ANK3: variants seen among roughly 807,000 people sequenced by gnomAD.
ANK3 encodes the protein ankyrin-3.
In ANK3, 57 loss-of-function variants were observed where a neutral mutation model predicts 370.9. That is an observed-to-expected ratio of 0.15 (90% CI 0.12 to 0.19). The LOEUF (loss-of-function observed/expected upper bound fraction) is 0.19. Ranked by LOEUF, ANK3 falls within the 10% of genes least tolerant of loss-of-function variation. The probability of loss-of-function intolerance (pLI) is 1.00; values close to 1 mark genes in which losing one functional copy is unlikely to be tolerated. For missense variants in ANK3, 4,439 were observed against 5,302.1 expected (o/e 0.84, Z 5.06); for synonymous variants, 1,929 against 1,946.3 (o/e 0.99, Z 0.23).
chr10:60,403,518 A>C (rs1343626511), intron 2 of ANK3, among the ~76,000 whole-genome samples: 1 of 152,266 alleles, frequency 6.6e-6, no homozygotes, highest in Non-Finnish European at 1.5e-5. Flanking sequence ...TCATTTACAC[A>C]TAATGGTGAA....
At chr10:60,294,774 C>A (rs2042158451) in intron 1 of ANK3, among the ~76,000 whole-genome samples, 1 of 152,110 alleles carries the variant, frequency 6.6e-6, no homozygotes, top group African/African-American at 2.4e-5. Context: ...CTGTAAGTGA[C>A]ATTTATATTT....
intron 2 of ANK3, among the ~76,000 whole-genome samples, chr10:60,606,477 A>G (rs2078130241): frequency 6.6e-6 from 1 of 152,188 alleles, no homozygotes; most frequent in African/African-American, 2.4e-5. Flanking sequence ...GTATATAAAA[A>G]GCACTTATAT....
chr10:60,085,646 G>A (rs376592711), intron 30 of ANK3, among the ~76,000 whole-genome samples: 4 of 125,256 alleles, frequency 3.2e-5, no homozygotes, highest in Non-Finnish European at 3.1e-5. Context: ...ACGGAGTCTC[G>A]CTCTTGTTGC....
intron 2 of ANK3, among the ~76,000 whole-genome samples, chr10:60,583,386 G>T (rs1462161860): frequency 2.6e-5 from 4 of 152,112 alleles, no homozygotes; most frequent in Admixed American, 1.3e-4. Context: ...GTGAGACATT[G>T]ATCGACGGTA....
At chr10:60,092,705 T>C (rs2088886519) in intron 28 of ANK3, among the ~76,000 whole-genome samples, 1 of 152,202 alleles carries the variant, frequency 6.6e-6, no homozygotes, top group South Asian at 2.1e-4. Flanking sequence ...AATCCTAGTG[T>C]AGGAAAAGAA....
chr10:60,289,904 C>A (rs1277944663), intron 1 of ANK3, among the ~76,000 whole-genome samples: 1 of 152,164 alleles, frequency 6.6e-6, no homozygotes, highest in African/African-American at 2.4e-5. Flanking sequence ...GCCCATTCTT[C>A]TGTGTTTAAG....
At chr10:60,599,097 T>A (rs1426455102) in intron 2 of ANK3, among the ~76,000 whole-genome samples, 3 of 151,814 alleles carry the variant, frequency 2.0e-5, no homozygotes, top group Non-Finnish European at 4.4e-5. Flanking sequence ...ACTGGCTAAT[T>A]TTTTTTTATT....
intron 4 of ANK3, among the ~76,000 whole-genome samples, chr10:60,273,252 C>T (rs1228510531): frequency 1.3e-5 from 2 of 152,158 alleles, no homozygotes; most frequent in Admixed American, 1.3e-4. Flanking sequence ...TTTTTGAGTG[C>T]TTGCCATCCT....
intron 1 of ANK3, among the ~76,000 whole-genome samples, chr10:60,632,614 T>C (rs1007651477): frequency 6.6e-6 from 1 of 152,008 alleles, no homozygotes; most frequent in Non-Finnish European, 1.5e-5. Flanking sequence ...TAGCTGGGCA[T>C]GGTGGTTCAT....
chr10:60,240,541 T>C (rs1453434373), intron 7 of ANK3, among the ~76,000 whole-genome samples: 1 of 151,736 alleles, frequency 6.6e-6, no homozygotes, highest in African/African-American at 2.4e-5. Flanking sequence ...CAACCTCAGG[T>C]GATCCACCTG....
At chr10:60,097,890 G>T (rs1016340748) in intron 28 of ANK3, among the ~76,000 whole-genome samples, 3 of 152,134 alleles carry the variant, frequency 2.0e-5, no homozygotes, top group Admixed American at 1.3e-4. Context: ...TTTCTAGTCA[G>T]GTGCAGGCTT....
intron 1 of ANK3, among the ~76,000 whole-genome samples, chr10:60,282,669 A>G (rs2098181783): frequency 6.6e-6 from 1 of 152,108 alleles, no homozygotes; most frequent in African/African-American, 2.4e-5. Context: ...ATTTCATTCA[A>G]TGACCCTGAT....
intron 1 of ANK3, among the ~76,000 whole-genome samples, chr10:60,674,261 G>C (rs914062323): frequency 6.6e-6 from 1 of 151,948 alleles, no homozygotes; most frequent in Non-Finnish European, 1.5e-5. Flanking sequence ...TTGCATAAAG[G>C]AATACCTGAG....
intron 23 of ANK3, among the ~76,000 whole-genome samples, chr10:60,157,130 C>T (rs1214155695): frequency 1.3e-5 from 2 of 149,810 alleles, no homozygotes; most frequent in African/African-American, 4.9e-5. Context: ...CTCCGCCTCC[C>T]AGGTTCAAGC....
intron 1 of ANK3, among the ~76,000 whole-genome samples, chr10:60,697,525 A>C (rs924588638): frequency 6.7e-6 from 1 of 150,174 alleles, no homozygotes; most frequent in Non-Finnish European, 1.5e-5. Flanking sequence ...TACAGTAACC[A>C]AAACAGCATG....
rs796446274 is a variant in ANK3, at chr10:60,056,180, T to G, written c.12687-144A>C. Reference sequence around the variant, plus strand: ...GTGTGAAAAGTGTGGCCACTGGATTTAAAATGTAGCTGGGCGCAGTGGCTC... The same window carrying G: ...GTGTGAAAAGTGTGGCCACTGGATTGAAAATGTAGCTGGGCGCAGTGGCTC... On this transcript the variant is annotated intron_variant, in intron 41 of 43. Transcript: ENST00000280772. 4.9e-5 allele frequency: 52 copies of G among 1,059,558 alleles called. No individual in the cohort carries two copies. In the African/African-American group the frequency reaches 6.8e-4, roughly 14 times the overall value. The allele number at this position is 1,059,558 out of a possible 1,614,324, so 65.6% of individuals were successfully genotyped here. A position where few individuals can be genotyped will look rare whatever the true frequency, so the allele number is the denominator to read the frequency against.
chr10:60,479,418 C>T (rs773768513), intron 2 of ANK3, among the ~76,000 whole-genome samples: 5 of 151,866 alleles, frequency 3.3e-5, no homozygotes, highest in Admixed American at 1.3e-4. Flanking sequence ...TAGGCTATAC[C>T]ATCTGGGTGT....
intron 1 of ANK3, among the ~76,000 whole-genome samples, chr10:60,629,371 C>A (rs1284240951): frequency 6.6e-6 from 1 of 152,126 alleles, no homozygotes; most frequent in African/African-American, 2.4e-5. Context: ...TAACAAGCAT[C>A]ATATTTAAAA....
chr10:60,533,267 G>C (rs2133203656), intron 2 of ANK3, among the ~76,000 whole-genome samples: 1 of 152,174 alleles, frequency 6.6e-6, no homozygotes, highest in East Asian at 1.9e-4. Context: ...CAGAACTTTA[G>C]AGCTGGACTG....
Sources: gnomAD v4.1 joint callset for allele counts (sites outside exome capture counted in the v4.1 genomes callset) on GRCh38, gnomAD v4.1.1 for gene constraint, MANE v1.5 for transcripts, NCBI Gene and HGNC (gene_info 2026-07-23, HGNC 2026-07-21) for gene names.